MAML2: variants seen among roughly 807,000 people sequenced by gnomAD.
The protein encoded by MAML2 is mastermind like transcriptional coactivator 2, also known as mastermind-like protein 2.
In MAML2, 22 loss-of-function variants were observed where a neutral mutation model predicts 96.1. That is an observed-to-expected ratio of 0.23 (90% CI 0.16 to 0.33). The LOEUF (loss-of-function observed/expected upper bound fraction) is 0.33, where lower values mean the gene tolerates loss of function less well. MAML2 is among the 10% of genes least tolerant of loss of function. The pLI is 1.00. For synonymous variants in MAML2, 561 were observed against 521.3 expected (o/e 1.08, Z -1.04); for missense variants, 1,367 against 1,392.4 (o/e 0.98, Z 0.29).
chr11:96,009,207 G>A (rs1396714515), intron 2 of MAML2, among the ~76,000 whole-genome samples: 2 of 152,148 alleles, frequency 1.3e-5, no homozygotes, highest in African/African-American at 4.8e-5. Context: ...ATGGCCATTC[G>A]CATGTATAGC....
At chr11:96,236,559 T>A (rs1591088328) in intron 1 of MAML2, among the ~76,000 whole-genome samples, 1 of 152,346 alleles carries the variant, frequency 6.6e-6, no homozygotes, top group East Asian at 1.9e-4. Context: ...AGACTTTGAA[T>A]AGAAATATGC....
intron 2 of MAML2, among the ~76,000 whole-genome samples, chr11:96,001,653 G>A (rs971728681): frequency 5.9e-5 from 9 of 151,900 alleles, no homozygotes; most frequent in African/African-American, 1.9e-4. Flanking sequence ...ACTCCCCACC[G>A]CAAACGTTGG....
intron 1 of MAML2, among the ~76,000 whole-genome samples, chr11:96,279,086 CTGAT>C (rs200448642): frequency 3.5e-4 from 53 of 151,912 alleles, no homozygotes; most frequent in Admixed American, 1.9e-3. Flanking sequence ...GGATAAAAGA[CTGAT>C]TGACTGACAT....
At chr11:96,328,018 C>T (rs995530286) in intron 1 of MAML2, among the ~76,000 whole-genome samples, 1 of 152,072 alleles carries the variant, frequency 6.6e-6, no homozygotes, top group Non-Finnish European at 1.5e-5. Context: ...ATCACTTCAA[C>T]CCGGGGGGTG....
intron 2 of MAML2, among the ~76,000 whole-genome samples, chr11:96,002,460 T>C (rs1858093684): frequency 6.6e-6 from 1 of 152,128 alleles, no homozygotes; most frequent in African/African-American, 2.4e-5. Context: ...GCAAATAGAA[T>C]GTCTTAGGAA....
At chr11:96,072,875 C>T (rs554794713) in intron 2 of MAML2, among the ~76,000 whole-genome samples, 8 of 152,278 alleles carry the variant, frequency 5.3e-5, no homozygotes, top group South Asian at 4.1e-4. Flanking sequence ...ATTTGTCACC[C>T]GCTTACATGT....
chr11:96,268,358 A>G (rs552185743), intron 1 of MAML2, among the ~76,000 whole-genome samples: 1 of 151,958 alleles, frequency 6.6e-6, no homozygotes, highest in Admixed American at 6.6e-5. Flanking sequence ...ATGGTGGTGT[A>G]CTCCTGTAGT....
At chr11:96,326,795 CAA>C (rs889406685) in intron 1 of MAML2, among the ~76,000 whole-genome samples, 1 of 142,924 alleles carries the variant, frequency 7.0e-6, no homozygotes, top group African/African-American at 2.7e-5. Flanking sequence ...AATAACAAAA[CAA>C]AAAAAAAACT....
Position 96,342,212 on chromosome 11 carries a change from G to A in MAML2, c.-317C>T, listed in dbSNP as rs1177239191. 3 of 477,390 alleles carry A rather than the reference G, an allele frequency of 6.3e-6. No homozygotes were observed. Among genetic ancestry groups the A allele is most frequent in the Middle Eastern group, 5.3e-4 (1 of 1,874 alleles). The allele number at this position is 477,390 out of a possible 1,614,324, so 29.6% of individuals were successfully genotyped here. On this transcript the variant is annotated 5_prime_UTR_variant, in exon 1 of 5. Coordinates refer to ENST00000524717, the MANE Select transcript of MAML2 (RefSeq NM_032427.4). ...TGGTGGATTTTTTTTCCTCCACCAA[G>A]CTGACAAGAGCCACTAGGTACTTTG...
rs760811590 is a variant in MAML2 at position 96,159,407 on chromosome 11, C to CTTTTT, written c.514-65895_514-65891dup. Among the ~76,000 whole-genome samples, 762 of 91,066 alleles carry CTTTTT rather than the reference C, an allele frequency of 8.4e-3. 134 individuals carry two copies. The highest frequency in any genetic ancestry group is 0.032 in the African/African-American group (724 of 22,620). The allele number at this position is 91,066 out of a possible 152,430, so 59.7% of individuals were successfully genotyped here. On this transcript the variant is annotated intron_variant, in intron 1 of 4. Coordinates refer to ENST00000524717, the MANE Select transcript of MAML2 (RefSeq NM_032427.4). ...TAACCGTGCCTCTAAACCACTGATT[C>CTTTTT]TTTTTTTTTTTTTTTTTTTTTTTGA...
In MAML2 at chr11:96,238,469, CTG is replaced by C. The variant is rs542683566; in HGVS notation, c.513+102912_513+102913del. Among the ~76,000 whole-genome samples the C allele has an allele frequency of 1.1e-3, 161 of 152,324 alleles. 2 individuals carry two copies. The highest frequency in any genetic ancestry group is 0.01 in the Middle Eastern group (3 of 294). ...AACCCAATTTTGAATGAAATTTCTG[CTG>C]TGAGTCCAAACTTTGCTGTCTCTAC... On this transcript the variant is annotated intron_variant, in intron 1 of 4. Coordinates refer to ENST00000524717, the MANE Select transcript of MAML2 (RefSeq NM_032427.4).
At chr11:96,042,106 G>A (rs944994494) in intron 2 of MAML2, among the ~76,000 whole-genome samples, 9 of 151,840 alleles carry the variant, frequency 5.9e-5, no homozygotes, top group Non-Finnish European at 1.0e-4. Flanking sequence ...CCTCCCGAGT[G>A]GCTGGGACTA....
chr11:96,300,837 T>C (rs1863376069), intron 1 of MAML2, among the ~76,000 whole-genome samples: 1 of 152,176 alleles, frequency 6.6e-6, no homozygotes, highest in Non-Finnish European at 1.5e-5. Context: ...GGTGGTACCA[T>C]AGAGTTGTAT....
Position 96,237,179 on chromosome 11 carries a change from T to C in MAML2, c.513+104204A>G, listed in dbSNP as rs1016261930. ...TCCCCTCCCCGAGTTCTGTATTTTA[T>C]AGTAATTTACCTTCTCTTCTTGGCC... On this transcript the variant is annotated intron_variant, in intron 1 of 4. Coordinates refer to ENST00000524717, the MANE Select transcript of MAML2 (RefSeq NM_032427.4). Among the ~76,000 whole-genome samples the C allele has an allele frequency of 2.1e-4, 32 of 152,348 alleles. 1 individual carries two copies. Among genetic ancestry groups the C allele is most frequent in the African/African-American group, 7.5e-4 (31 of 41,598 alleles).
intron 1 of MAML2, among the ~76,000 whole-genome samples, chr11:96,157,290 C>G (rs1206032475): frequency 6.6e-6 from 1 of 152,206 alleles, no homozygotes; most frequent in Non-Finnish European, 1.5e-5. Flanking sequence ...GTTCTCATGT[C>G]CAAAGTTAAG....
At chr11:95,984,616 A>T (rs1857797310) in intron 4 of MAML2, among the ~76,000 whole-genome samples, 1 of 152,196 alleles carries the variant, frequency 6.6e-6, no homozygotes, top group Non-Finnish European at 1.5e-5. Context: ...GAAAGAGGCA[A>T]CCTGTTGTAT....
chr11:96,193,037 A>G (rs1861677470), intron 1 of MAML2, among the ~76,000 whole-genome samples: 1 of 152,196 alleles, frequency 6.6e-6, no homozygotes, highest in South Asian at 2.1e-4. Context: ...GAAACATTTT[A>G]TTCATTCTCT....
chr11:96,196,851 C>G (rs973394907), intron 1 of MAML2, among the ~76,000 whole-genome samples: 4 of 149,632 alleles, frequency 2.7e-5, no homozygotes, highest in Non-Finnish European at 5.9e-5. Flanking sequence ...CTTCTATAGT[C>G]CAATGGTTCT....
At chr11:96,022,709 T>C (rs532776895) in intron 2 of MAML2, among the ~76,000 whole-genome samples, 25 of 152,296 alleles carry the variant, frequency 1.6e-4, no homozygotes, top group African/African-American at 5.5e-4. Flanking sequence ...TCTGAGCCTA[T>C]GGAAAATGAA....
Sources: allele counts gnomAD v4.1 joint callset (sites outside exome capture counted in the v4.1 genomes callset), GRCh38; gene constraint gnomAD v4.1.1; transcripts MANE v1.5; gene names NCBI Gene and HGNC (gene_info 2026-07-23, HGNC 2026-07-21).